FSTL5: variants seen among roughly 807,000 people sequenced by gnomAD.
FSTL5 encodes the protein follistatin like 5, also known as follistatin-related protein 5.
FSTL5 carries 62 observed loss-of-function variants against 89.1 expected under a neutral mutation model. That is an observed-to-expected ratio of 0.70 (90% confidence interval 0.57 to 0.86). The LOEUF (loss-of-function observed/expected upper bound fraction) is 0.86, where lower values mean the gene tolerates loss of function less well. FSTL5 is among the 40% of genes least tolerant of loss of function. The probability of loss-of-function intolerance (pLI) is 0.00; values close to 1 mark genes in which losing one functional copy is unlikely to be tolerated. For missense variants in FSTL5, 1,057 were observed against 1,001.6 expected (o/e 1.06, Z -0.75); for synonymous variants, 383 against 346.2 (o/e 1.11, Z -1.18).
At chr4:161,584,389 G>T (rs923476747) in intron 8 of FSTL5, among the ~76,000 whole-genome samples, 1 of 152,138 alleles carries the variant, frequency 6.6e-6, no homozygotes, top group Admixed American at 6.5e-5. Context: ...CTGTGAATTA[G>T]ATCACATCAA....
intron 15 of FSTL5, among the ~76,000 whole-genome samples, chr4:161,420,443 G>C (rs1379723517): frequency 2.0e-5 from 3 of 152,034 alleles, no homozygotes; most frequent in Non-Finnish European, 4.4e-5. Flanking sequence ...AGTATCTTTT[G>C]ATTTAAAGAG....
chr4:161,709,891 A>C (rs572686400), intron 6 of FSTL5, among the ~76,000 whole-genome samples: 1 of 152,166 alleles, frequency 6.6e-6, no homozygotes, highest in Non-Finnish European at 1.5e-5. Flanking sequence ...AAGAATATTA[A>C]TATTTAAATG....
chr4:161,949,925 A>G (rs772469131), intron 3 of FSTL5, among the ~76,000 whole-genome samples: 1 of 152,056 alleles, frequency 6.6e-6, no homozygotes, highest in African/African-American at 2.4e-5. Context: ...TGGTAAATCT[A>G]AGATATTTCT....
chr4:161,923,206 G>C (rs13123384), intron 3 of FSTL5, among the ~76,000 whole-genome samples: 96,115 of 151,582 alleles, frequency 0.63, 30,548 homozygotes, highest in Middle Eastern at 0.72. Flanking sequence ...TTGCTAGATG[G>C]AGCTTTCTGA....
At chr4:161,703,466 GA>G (rs981205896) in intron 6 of FSTL5, among the ~76,000 whole-genome samples, 1 of 152,090 alleles carries the variant, frequency 6.6e-6, no homozygotes, top group Non-Finnish European at 1.5e-5. Context: ...TCCAATTCCT[GA>G]GATTCAAAAT....
chr4:161,837,018 T>C (rs1277359509), intron 4 of FSTL5, among the ~76,000 whole-genome samples: 1 of 152,110 alleles, frequency 6.6e-6, no homozygotes, highest in Non-Finnish European at 1.5e-5. Context: ...GCACTAAATA[T>C]GTAGTTGGAC....
At chr4:161,950,467 G>T (rs1032419885) in intron 3 of FSTL5, among the ~76,000 whole-genome samples, 1 of 152,034 alleles carries the variant, frequency 6.6e-6, no homozygotes, top group African/African-American at 2.4e-5. Flanking sequence ...CTTCCCATCC[G>T]CCCATATCCT....
chr4:161,766,100 T>C (rs1579076552), intron 5 of FSTL5, among the ~76,000 whole-genome samples: 5 of 152,284 alleles, frequency 3.3e-5, no homozygotes, highest in South Asian at 2.1e-4. Flanking sequence ...GCTCCTAATA[T>C]GCATTTTTAA....
chr4:161,779,793 A>ATGTATATATATG (rs1560840917), intron 4 of FSTL5, among the ~76,000 whole-genome samples: 7 of 51,754 alleles, frequency 1.4e-4, no homozygotes, highest in Admixed American at 1.2e-3. Context: ...ATATATATAT[A>ATGTATATATATG]TATATATATA....
At chr4:162,134,301 G>T (rs1732443693) in intron 1 of FSTL5, among the ~76,000 whole-genome samples, 1 of 152,020 alleles carries the variant, frequency 6.6e-6, no homozygotes, top group Admixed American at 6.6e-5. Context: ...TTTGTCAGAG[G>T]GACCTAGAGG....
intron 10 of FSTL5, among the ~76,000 whole-genome samples, chr4:161,536,062 A>G (rs1036708692): frequency 1.3e-5 from 2 of 152,094 alleles, no homozygotes; most frequent in Non-Finnish European, 2.9e-5. Flanking sequence ...TAAAGATGGG[A>G]AAAATGGACA....
intron 2 of FSTL5, among the ~76,000 whole-genome samples, chr4:162,061,585 G>A (rs1012032086): frequency 6.6e-6 from 1 of 152,182 alleles, no homozygotes; most frequent in Admixed American, 6.6e-5. Context: ...CTTAGAAACA[G>A]GGCCAGCTAC....
At chr4:161,488,513 G>T (rs1729755329) in intron 12 of FSTL5, among the ~76,000 whole-genome samples, 1 of 151,928 alleles carries the variant, frequency 6.6e-6, no homozygotes, top group South Asian at 2.1e-4. Context: ...TATTAGAGAG[G>T]TTAAAAAAAA....
intron 7 of FSTL5, among the ~76,000 whole-genome samples, chr4:161,633,702 G>T (rs528559633): frequency 2.0e-5 from 3 of 152,136 alleles, no homozygotes; most frequent in African/African-American, 7.2e-5. Context: ...TATCATGCTA[G>T]AGTGTTTAGT....
intron 2 of FSTL5, among the ~76,000 whole-genome samples, chr4:162,061,433 C>T (rs1224213809): frequency 6.6e-6 from 1 of 152,016 alleles, no homozygotes; most frequent in Non-Finnish European, 1.5e-5. Context: ...CCTCAGACAC[C>T]CAGAGTGTTG....
chr4:161,639,446 T>A (rs184350801), intron 7 of FSTL5, among the ~76,000 whole-genome samples: 70 of 152,282 alleles, frequency 4.6e-4, no homozygotes, highest in Middle Eastern at 3.4e-3. Flanking sequence ...CATCTAAATA[T>A]ATGACCCAAG....
At chr4:161,925,063 T>C (rs1734086687) in intron 3 of FSTL5, among the ~76,000 whole-genome samples, 1 of 151,806 alleles carries the variant, frequency 6.6e-6, no homozygotes, top group South Asian at 2.1e-4. Context: ...TGGGTTCTAG[T>C]TGTAAAATAA....
intron 6 of FSTL5, among the ~76,000 whole-genome samples, chr4:161,725,766 C>A (rs1416164644): frequency 6.6e-6 from 1 of 152,126 alleles, no homozygotes; most frequent in Admixed American, 6.5e-5. Context: ...GTGCACTAGG[C>A]AATGGCCTAA....
chr4:162,006,818 G>A (rs549474032), intron 3 of FSTL5, among the ~76,000 whole-genome samples: 1 of 151,844 alleles, frequency 6.6e-6, no homozygotes, highest in South Asian at 2.1e-4. Flanking sequence ...CTAATTTTGT[G>A]GTAGATATTT....
Sources: allele counts gnomAD v4.1 joint callset (sites outside exome capture counted in the v4.1 genomes callset), GRCh38; gene constraint gnomAD v4.1.1; transcripts MANE v1.5; gene names NCBI Gene and HGNC (gene_info 2026-07-23, HGNC 2026-07-21).